The following LRRC37A2 variants were observed in gnomAD, a reference collection of about 807,000 sequenced individuals.
LRRC37A2 encodes leucine rich repeat containing 37 member A2.
In LRRC37A2, 9 loss-of-function variants were observed where a neutral mutation model predicts 68.8. That is an observed-to-expected ratio of 0.13 (90% CI 0.08 to 0.23). LRRC37A2 has a LOEUF of 0.23. LRRC37A2 is among the 10% of genes least tolerant of loss of function. LRRC37A2 has a pLI of 1.00. For missense variants in LRRC37A2, 168 were observed against 950.4 expected, an observed-to-expected ratio of 0.18 and a Z score of 10.82; for synonymous variants, 63 against 367.6, an observed-to-expected ratio of 0.17 and a Z score of 9.48.
chr17:46,730,417 A>T, the LRRC37A2 span, among the ~76,000 whole-genome samples: 3 of 152,162 alleles, frequency 2.0e-5, no homozygotes, highest in African/African-American at 7.2e-5. Flanking sequence ...AATACTATAC[A>T]CATTGATTTA....
At chr17:46,965,050 G>A in the LRRC37A2 span, 4 of 152,190 alleles carry the variant, frequency 2.6e-5, no homozygotes, top group Non-Finnish European at 5.9e-5. Context: ...GTAAGTACAT[G>A]TGTGATGGCC....
In LRRC37A2 at chr17:46,520,926, A is replaced by C. The variant is rs1340345943; in HGVS notation, c.2753+643A>C. ...AATTAAATTAACATTTAAATATTAA[A>C]AATAGCTGAATTATATCAATATTAT... On this transcript the variant is annotated intron_variant, in intron 4 of 14. Transcript: ENST00000576629. 6.2e-5 allele frequency among the ~76,000 whole-genome samples: 5 copies of C among 80,438 alleles called. 2 individuals carry two copies. The highest frequency in any genetic ancestry group is 1.7e-4 in the Non-Finnish European group (5 of 29,702). 52.8% of individuals were successfully genotyped at this position (80,438 alleles called of 152,430 possible).
the LRRC37A2 span, among the ~76,000 whole-genome samples, chr17:46,944,672 T>G: frequency 7.5e-3 from 1,137 of 151,812 alleles, 17 homozygotes; most frequent in African/African-American, 0.027. Flanking sequence ...CAATCTCGGC[T>G]CACTGCAGCC....
the LRRC37A2 span, chr17:46,942,003 C>T: frequency 1.0e-6 from 1 of 967,676 alleles, no homozygotes; most frequent in South Asian, 4.8e-5. Flanking sequence ...AAAATAAATT[C>T]TTACTGTTTA....
chr17:46,388,386 T>TA, the LRRC37A2 span, among the ~76,000 whole-genome samples: 8 of 52,016 alleles, frequency 1.5e-4, no homozygotes, highest in East Asian at 9.9e-4. Context: ...TCGTCTCTAC[T>TA]AAAAATACAA....
chr17:46,891,056 G>A, the LRRC37A2 span, among the ~76,000 whole-genome samples: 1 of 152,074 alleles, frequency 6.6e-6, no homozygotes, highest in Non-Finnish European at 1.5e-5. Context: ...TTGAATTTAC[G>A]TTGCAAAGCA....
intron 6 of LRRC37A2, among the ~76,000 whole-genome samples, chr17:46,525,602 T>A (rs139043054): frequency 0.014 from 1,412 of 103,190 alleles, 82 homozygotes; most frequent in African/African-American, 0.047. Flanking sequence ...ATAATAATAA[T>A]ATAATAATAA....
At chr17:46,881,813 C>T in the LRRC37A2 span, among the ~76,000 whole-genome samples, 1 of 152,210 alleles carries the variant, frequency 6.6e-6, no homozygotes, top group South Asian at 2.1e-4. Context: ...TGTTGAATCA[C>T]TTGTGAGACC....
the LRRC37A2 span, chr17:46,923,110 G>T: frequency 1.0e-6 from 1 of 992,946 alleles, no homozygotes. Context: ...TCCTGCGACC[G>T]GAAGCCGGAA....
the LRRC37A2 span, among the ~76,000 whole-genome samples, chr17:46,889,361 C>G: frequency 6.6e-6 from 1 of 152,114 alleles, no homozygotes; most frequent in Non-Finnish European, 1.5e-5. Flanking sequence ...GTCTGACCCC[C>G]AGAGAGCTGT....
the LRRC37A2 span, among the ~76,000 whole-genome samples, chr17:46,493,465 A>G: frequency 2.4e-5 from 3 of 125,688 alleles, no homozygotes; most frequent in Non-Finnish European, 5.0e-5. Flanking sequence ...CCTGGCCAAG[A>G]TACCAAAATC....
At chr17:46,816,473 A>ACACACGCACG in the LRRC37A2 span, among the ~76,000 whole-genome samples, 1 of 77,412 alleles carries the variant, frequency 1.3e-5, no homozygotes, top group African/African-American at 6.9e-5. Flanking sequence ...CCCAGAACAC[A>ACACACGCACG]CGCACACACA....
At chr17:46,930,938 A>C in the LRRC37A2 span, 1 of 634,976 alleles carries the variant, frequency 1.6e-6, no homozygotes. Flanking sequence ...TTACGGCCTA[A>C]CTTGAATTTT....
chr17:47,009,224 T>A, the LRRC37A2 span, among the ~76,000 whole-genome samples: 1 of 152,130 alleles, frequency 6.6e-6, no homozygotes, highest in Non-Finnish European at 1.5e-5. Context: ...ATCTAAAAAA[T>A]TTTATCCTTT....
chr17:46,801,055 C>CTAG, the LRRC37A2 span, among the ~76,000 whole-genome samples: 1 of 152,196 alleles, frequency 6.6e-6, no homozygotes, highest in African/African-American at 2.4e-5. Flanking sequence ...TGACCCTGTG[C>CTAG]TAGTCTCACA....
At chr17:46,973,269 C>G in the LRRC37A2 span, among the ~76,000 whole-genome samples, 1 of 151,856 alleles carries the variant, frequency 6.6e-6, no homozygotes, top group Non-Finnish European at 1.5e-5. Flanking sequence ...ATGACAATCT[C>G]ATATGACAGC....
At chr17:46,962,607 C>G in the LRRC37A2 span, among the ~76,000 whole-genome samples, 5 of 152,198 alleles carry the variant, frequency 3.3e-5, no homozygotes, top group Non-Finnish European at 7.3e-5. Flanking sequence ...GGAGAAGCCA[C>G]ATGGAGGAAA....
the LRRC37A2 span, among the ~76,000 whole-genome samples, chr17:46,869,365 G>A: frequency 1.3e-5 from 2 of 152,168 alleles, no homozygotes; most frequent in Non-Finnish European, 2.9e-5. Context: ...GCTGGGCACC[G>A]TTTGAGACCC....
the LRRC37A2 span, among the ~76,000 whole-genome samples, chr17:47,012,641 A>G: frequency 6.6e-6 from 1 of 152,246 alleles, no homozygotes; most frequent in Non-Finnish European, 1.5e-5. Context: ...AACATTCATA[A>G]CCATCCAGGA....
Sources: allele counts gnomAD v4.1 joint callset (sites outside exome capture counted in the v4.1 genomes callset), GRCh38; gene constraint gnomAD v4.1.1; transcripts MANE v1.5; gene names NCBI Gene and HGNC (gene_info 2026-07-23, HGNC 2026-07-21).